Variants in LRRN3 observed in about 807,000 individuals in gnomAD.
The protein encoded by LRRN3 is leucine rich repeat neuronal 3.
LRRN3 carries 15 observed loss-of-function variants against 40.1 expected under a neutral mutation model. The ratio of observed to expected loss-of-function variants is 0.37; its 90% CI spans 0.25 to 0.58. The LOEUF (loss-of-function observed/expected upper bound fraction) is 0.58, where lower values mean the gene tolerates loss of function less well. LRRN3 is among the 20% of genes least tolerant of loss of function. The pLI is 0.72. For missense variants in LRRN3, 746 were observed against 837.7 expected (o/e 0.89, Z 1.35); for synonymous variants, 308 against 297.2 (o/e 1.04, Z -0.37).
At position 111,097,582 on chromosome 7, in the gene LRRN3, AG is replaced by A. The variant is rs1335676323; in HGVS notation, c.-440-2297del. Among the ~76,000 whole-genome samples, 6 of 151,790 alleles carry A rather than the reference AG, an allele frequency of 4.0e-5. No homozygotes were observed. In the South Asian group the frequency reaches 1.0e-3, roughly 26 times the overall value. On this transcript the variant is annotated intron_variant, in intron 1 of 2. Coordinates refer to ENST00000308478, the MANE Select transcript of LRRN3 (RefSeq NM_001099658.2). Reference sequence around the variant, plus strand: ...ACTAACTTTCAGCTTACCTTTCTTAAGGAAAAAAAACAAAAAAATGTTAAAA... The same window carrying A: ...ACTAACTTTCAGCTTACCTTTCTTAAGAAAAAAAACAAAAAAATGTTAAAA...
At chr7:111,105,431 T>C (rs937350248) in intron 2 of LRRN3, among the ~76,000 whole-genome samples, 2 of 151,808 alleles carry the variant, frequency 1.3e-5, no homozygotes, top group African/African-American at 4.8e-5. Flanking sequence ...AGTACATAAA[T>C]TGACCAAATG....
In LRRN3 at chr7:111,100,821, T is replaced by A. The variant is rs1002233718; in HGVS notation, c.-359+859T>A. 2.0e-5 allele frequency among the ~76,000 whole-genome samples: 3 copies of A among 151,596 alleles called. No individual in the cohort carries two copies. In the Admixed American group the frequency reaches 2.0e-4, roughly 10 times the overall value. On this transcript the variant is annotated intron_variant, in intron 2 of 2. Coordinates refer to ENST00000308478, the MANE Select transcript of LRRN3 (RefSeq NM_001099658.2). ...TTTCTTAGGGAATGGAAATCAGTAA[T>A]GAAATAAGGAAAGTTTTATTGACCA...
intron 2 of LRRN3, among the ~76,000 whole-genome samples, chr7:111,114,919 A>G (rs931207501): frequency 2.6e-5 from 4 of 152,130 alleles, no homozygotes; most frequent in African/African-American, 9.7e-5. Context: ...ATACTTACAC[A>G]ATAGCCTACT....
intron 2 of LRRN3, among the ~76,000 whole-genome samples, chr7:111,104,812 A>T (rs1563246897): frequency 6.6e-6 from 1 of 151,816 alleles, no homozygotes; most frequent in Non-Finnish European, 1.5e-5. Context: ...CTCGCATCTC[A>T]TTGGAAGCAG....
intron 2 of LRRN3, among the ~76,000 whole-genome samples, chr7:111,120,234 G>C (rs1484674650): frequency 1.3e-5 from 2 of 152,066 alleles, no homozygotes; most frequent in African/African-American, 4.8e-5. Context: ...TGCTAATAGA[G>C]ACATATCCAA....
intron 2 of LRRN3, among the ~76,000 whole-genome samples, chr7:111,113,822 G>A (rs891040360): frequency 2.0e-5 from 3 of 151,930 alleles, no homozygotes; most frequent in African/African-American, 4.8e-5. Flanking sequence ...GAAGATAAAA[G>A]GATGACATCA....
chr7:111,096,865 T>C (rs568633932), intron 1 of LRRN3, among the ~76,000 whole-genome samples: 1 of 152,074 alleles, frequency 6.6e-6, no homozygotes, highest in East Asian at 1.9e-4. Flanking sequence ...ACTGGTATAT[T>C]TGTAAACTAC....
At chr7:111,096,778 G>C (rs1394759691) in intron 1 of LRRN3, among the ~76,000 whole-genome samples, 1 of 151,872 alleles carries the variant, frequency 6.6e-6, no homozygotes. Flanking sequence ...AACTTCCTTA[G>C]CATCTCCTTT....
intron 2 of LRRN3, among the ~76,000 whole-genome samples, chr7:111,101,507 T>C (rs214888): frequency 0.91 from 137,162 of 151,230 alleles, 62,245 homozygotes; most frequent in East Asian, 0.93. Flanking sequence ...AGTCTTTTTC[T>C]TTTGTCCACT....
intron 2 of LRRN3, among the ~76,000 whole-genome samples, chr7:111,109,354 G>C (rs1438603956): frequency 4.0e-5 from 6 of 151,604 alleles, no homozygotes; most frequent in Non-Finnish European, 5.9e-5. Flanking sequence ...AACTACAAAA[G>C]CATCTTAATT....
In LRRN3 at chr7:111,121,315, G is replaced by A. The variant is rs542847675; in HGVS notation, c.-358-1100G>A. ...CTCCCATTCTGTAGGTTGCCTGTTC[G>A]CTCTGATGGTAGTTTCTTTTGCTGT... On this transcript the variant is annotated intron_variant, in intron 2 of 2. Coordinates refer to ENST00000308478, the MANE Select transcript of LRRN3 (RefSeq NM_001099658.2). Among the ~76,000 whole-genome samples the A allele has an allele frequency of 7.2e-5, 11 of 152,128 alleles. No individual in the cohort carries two copies. The East Asian group carries it at 7.7e-4, about 11-fold the overall frequency.
chr7:111,102,269 T>C (rs1461897802), intron 2 of LRRN3, among the ~76,000 whole-genome samples: 1 of 151,456 alleles, frequency 6.6e-6, no homozygotes, highest in Non-Finnish European at 1.5e-5. Flanking sequence ...GTTTGGACCA[T>C]ATGCTCCTGT....
intron 2 of LRRN3, among the ~76,000 whole-genome samples, chr7:111,120,639 T>G (rs1299586169): frequency 6.6e-6 from 1 of 152,200 alleles, no homozygotes; most frequent in Non-Finnish European, 1.5e-5. Context: ...AGCCAAATGT[T>G]AATCTTGTGA....
Position 111,123,686 on chromosome 7 carries a change from TG to T in LRRN3, c.916del (p.Asp306IlefsTer6). The part of the protein sequence containing the change: ...PELISIDSLA[V>X]DNLPDLRKIE... The stretch of plus-strand genomic sequence containing the variant: ...CTGATTTCCATCGATAGTCTTGCTG[TG>T]GATAACCTGCCAGATTTAAGAAAAA... On this transcript the variant is annotated frameshift_variant, in exon 3 of 3. Coordinates refer to ENST00000308478, the MANE Select transcript of LRRN3 (RefSeq NM_001099658.2). LOFTEE classifies it high-confidence loss of function. The surrounding 1 kb of genome is among the most constrained non-coding windows in gnomAD (Gnocchi z 6.4). 1 of 1,613,962 alleles carries T rather than the reference TG, an allele frequency of 6.2e-7. No individual in the cohort carries two copies. The highest frequency in any genetic ancestry group is 8.5e-7 in the Non-Finnish European group (1 of 1,179,950).
chr7:111,120,134 A>C (rs1027858932), intron 2 of LRRN3, among the ~76,000 whole-genome samples: 12 of 152,314 alleles, frequency 7.9e-5, no homozygotes, highest in Admixed American at 5.9e-4. Flanking sequence ...TTGGTGTTGG[A>C]AATGATTATA....
At chr7:111,109,559 T>A (rs918984122) in intron 2 of LRRN3, among the ~76,000 whole-genome samples, 8 of 152,112 alleles carry the variant, frequency 5.3e-5, no homozygotes, top group Non-Finnish European at 1.2e-4. Flanking sequence ...GGAAGAGACC[T>A]GAAAATGGAG....
chr7:111,100,353 C>T (rs1797839538), intron 2 of LRRN3, among the ~76,000 whole-genome samples: 1 of 149,988 alleles, frequency 6.7e-6, no homozygotes, highest in East Asian at 1.9e-4. Context: ...GCTCTTTCTA[C>T]AGTTTTAAAC....
Position 111,125,000 on chromosome 7 carries a change from A to G in LRRN3, c.*101A>G, listed in dbSNP as rs1801143473. 1 of 868,774 alleles carries G rather than the reference A, an allele frequency of 1.2e-6. No homozygotes were observed. The allele number at this position is 868,774 out of a possible 1,614,324, so 53.8% of individuals were successfully genotyped here. On this transcript the variant is annotated 3_prime_UTR_variant, in exon 3 of 3. Transcript: ENST00000308478. ...AACAAAACAAACAAACAAACAAAAA[A>G]GTAAAAAAAGATTACTTTCGAGAGA...
chr7:111,102,251 T>C (rs1798057661), intron 2 of LRRN3, among the ~76,000 whole-genome samples: 1 of 151,504 alleles, frequency 6.6e-6, no homozygotes, highest in Non-Finnish European at 1.5e-5. Context: ...TGATTATAGT[T>C]TTAAAAAGTT....
Sources: gnomAD v4.1 joint callset for allele counts (sites outside exome capture counted in the v4.1 genomes callset) on GRCh38, gnomAD v4.1.1 for gene constraint, Gnocchi (gnomAD v3.1) non-coding constraint, MANE v1.5 for transcripts, NCBI Gene and HGNC (gene_info 2026-07-23, HGNC 2026-07-21) for gene names.